The following SPOPL variants were observed in gnomAD, a reference collection of about 807,000 sequenced individuals.
SPOPL encodes the protein speckle type BTB/POZ protein like, also known as speckle-type POZ protein-like.
In SPOPL, 23 loss-of-function variants were observed where a neutral mutation model predicts 53.8. That is an observed-to-expected ratio of 0.43 (90% CI 0.31 to 0.61). The LOEUF (loss-of-function observed/expected upper bound fraction) is 0.61, where lower values mean the gene tolerates loss of function less well. SPOPL is among the 20% of genes least tolerant of loss of function. SPOPL has a pLI of 0.12. For synonymous variants in SPOPL, 164 were observed against 149.7 expected (o/e 1.10, Z -0.70); for missense variants, 442 against 466.9 (o/e 0.95, Z 0.49).
intron 1 of SPOPL, among the ~76,000 whole-genome samples, chr2:138,510,490 A>G (rs1379699168): frequency 6.6e-6 from 1 of 152,300 alleles, no homozygotes; most frequent in African/African-American, 2.4e-5. Context: ...TACCTGCTGG[A>G]TCGGCCCATT....
chr2:138,525,835 C>CAAAAAAAA (rs758644476), intron 1 of SPOPL, among the ~76,000 whole-genome samples: 1 of 105,550 alleles, frequency 9.5e-6, no homozygotes. Context: ...GAACCTGTCT[C>CAAAAAAAA]AAAAAAAAAA....
chr2:138,532,420 CTTTTTTTTTT>C (rs769229731), intron 1 of SPOPL, among the ~76,000 whole-genome samples: 2 of 53,246 alleles, frequency 3.8e-5, no homozygotes, highest in African/African-American at 7.2e-5. Context: ...TTTTTGTTCG[CTTTTTTTTTT>C]TTTTTTTTTT....
At chr2:138,545,873 C>T (rs1485955523) in intron 1 of SPOPL, among the ~76,000 whole-genome samples, 1 of 152,166 alleles carries the variant, frequency 6.6e-6, no homozygotes. Context: ...TGTGTATATA[C>T]ATTTTTACAT....
intron 1 of SPOPL, among the ~76,000 whole-genome samples, chr2:138,545,108 C>T (rs549891419): frequency 9.9e-4 from 151 of 152,164 alleles, no homozygotes; most frequent in Non-Finnish European, 1.6e-3. Flanking sequence ...AATGCTGTCC[C>T]CTACCTCAGG....
chr2:138,519,531 A>G (rs183557396), intron 1 of SPOPL, among the ~76,000 whole-genome samples: 2 of 152,274 alleles, frequency 1.3e-5, no homozygotes, highest in Non-Finnish European at 2.9e-5. Flanking sequence ...TGTCTAGAGG[A>G]TCAAATGAAA....
intron 5 of SPOPL, among the ~76,000 whole-genome samples, chr2:138,555,453 G>T (rs1420016692): frequency 1.3e-5 from 2 of 151,772 alleles, no homozygotes; most frequent in Non-Finnish European, 2.9e-5. Context: ...CCCTATTTCT[G>T]TCACCAGATT....
intron 1 of SPOPL, among the ~76,000 whole-genome samples, chr2:138,543,525 A>G (rs1027494542): frequency 2.0e-5 from 3 of 152,058 alleles, no homozygotes; most frequent in Non-Finnish European, 4.4e-5. Context: ...AGTTGGTCGC[A>G]TTGGCTACTG....
intron 3 of SPOPL, 34 bp from the exon 4 acceptor site, chr2:138,550,869 T>C (rs749460751): frequency 1.9e-6 from 3 of 1,581,176 alleles, no homozygotes; most frequent in East Asian, 4.5e-5. Flanking sequence ...TCAAGTATTA[T>C]ATTCCTCCAT....
At chr2:138,527,213 T>C (rs1304985007) in intron 1 of SPOPL, among the ~76,000 whole-genome samples, 1 of 152,170 alleles carries the variant, frequency 6.6e-6, no homozygotes, top group Non-Finnish European at 1.5e-5. Flanking sequence ...TTTTCAGTAA[T>C]CATTCTTGGC....
chr2:138,558,925 C>T, intron 5 of SPOPL, 97 bp from the exon 6 acceptor site: 5 of 998,850 alleles, frequency 5.0e-6, no homozygotes, highest in East Asian at 2.9e-5. Flanking sequence ...TTGAATTATC[C>T]AAATAAGCTT....
At chr2:138,524,798 A>C (rs1684633813) in intron 1 of SPOPL, among the ~76,000 whole-genome samples, 1 of 152,160 alleles carries the variant, frequency 6.6e-6, no homozygotes, top group Non-Finnish European at 1.5e-5. Flanking sequence ...TGTCCATATC[A>C]TTATTAGCAT....
intron 5 of SPOPL, among the ~76,000 whole-genome samples, chr2:138,556,245 A>G (rs1429133573): frequency 6.6e-6 from 1 of 152,210 alleles, no homozygotes; most frequent in Non-Finnish European, 1.5e-5. Flanking sequence ...TCTTGCTTAT[A>G]CAAAATACAA....
At chr2:138,533,630 G>A (rs988925280) in intron 1 of SPOPL, among the ~76,000 whole-genome samples, 4 of 151,828 alleles carry the variant, frequency 2.6e-5, no homozygotes, top group Admixed American at 6.6e-5. Context: ...ACACTTATTA[G>A]AATCTTAATT....
rs1685280428 is a variant in SPOPL, at chr2:138,550,052, C to G, written c.-60-105C>G. On this transcript the variant is annotated intron_variant, in intron 1 of 10. Coordinates refer to ENST00000280098, the MANE Select transcript of SPOPL (RefSeq NM_001001664.3). ...AAATTCTCACATGTTCCTTCATAAT[C>G]TAGTTTGGGATAGTAATTGTTTCAT... 9.5e-6 allele frequency: 5 copies of G among 523,906 alleles called. No homozygotes were observed. In the South Asian group the frequency reaches 1.8e-4, roughly 19 times the overall value. The allele number at this position is 523,906 out of a possible 1,614,324, so 32.5% of individuals were successfully genotyped here. A position where few individuals can be genotyped will look rare whatever the true frequency, so the allele number is the denominator to read the frequency against.
At chr2:138,508,736 ACTC>A (rs1217632373) in intron 1 of SPOPL, among the ~76,000 whole-genome samples, 1 of 151,930 alleles carries the variant, frequency 6.6e-6, no homozygotes, top group African/African-American at 2.4e-5. Flanking sequence ...CTTGTCTCAA[ACTC>A]CTGGCCTCAA....
chr2:138,529,535 TTTGCGTGC>T (rs1245762192), intron 1 of SPOPL, among the ~76,000 whole-genome samples: 2 of 103,226 alleles, frequency 1.9e-5, no homozygotes, highest in African/African-American at 7.3e-5. Flanking sequence ...TGTGTGTGTG[TTTGCGTGC>T]GCGCGCGCTT....
intron 1 of SPOPL, among the ~76,000 whole-genome samples, chr2:138,502,649 G>C (rs188645013): frequency 6.6e-6 from 1 of 152,134 alleles, no homozygotes; most frequent in Non-Finnish European, 1.5e-5. Flanking sequence ...CAGTCCGGTG[G>C]TCATGCCTTT....
intron 1 of SPOPL, among the ~76,000 whole-genome samples, chr2:138,521,818 T>A (rs1684564686): frequency 6.6e-6 from 1 of 152,154 alleles, no homozygotes; most frequent in Non-Finnish European, 1.5e-5. Context: ...AACATTGGAA[T>A]AAGACCCCCC....
chr2:138,556,450 A>G (rs901488775), intron 5 of SPOPL, among the ~76,000 whole-genome samples: 3 of 152,230 alleles, frequency 2.0e-5, no homozygotes, highest in Non-Finnish European at 4.4e-5. Context: ...CATGCAAGCC[A>G]TTGAACAGAT....
Sources: allele counts gnomAD v4.1 joint callset (sites outside exome capture counted in the v4.1 genomes callset), GRCh38; gene constraint gnomAD v4.1.1; transcripts MANE v1.5; gene names NCBI Gene and HGNC (gene_info 2026-07-23, HGNC 2026-07-21).